Variants in MGAT5 observed in about 807,000 individuals in gnomAD.
The protein encoded by MGAT5 is alpha-1,6-mannosylglycoprotein 6-beta-N-acetylglucosaminyltransferase.
Under a neutral mutation model 94.3 loss-of-function variants are expected in MGAT5, and 30 were observed. The ratio of observed to expected loss-of-function variants is 0.32; its 90% CI spans 0.24 to 0.43. The LOEUF (loss-of-function observed/expected upper bound fraction) is 0.43. MGAT5 is among the 20% of genes least tolerant of loss of function. MGAT5 has a pLI of 1.00. For synonymous variants in MGAT5, 310 were observed against 322.9 expected (o/e 0.96, Z 0.43); for missense variants, 691 against 905.5 (o/e 0.76, Z 3.04).
chr2:134,441,927 G>C lies in MGAT5; in HGVS notation c.2027+12G>C, dbSNP rs376482081. 70 of 1,610,154 alleles carry C rather than the reference G, an allele frequency of 4.3e-5. No homozygotes were observed. The African/African-American group carries it at 8.7e-4, about 20-fold the overall frequency. On this transcript the variant is annotated intron_variant, in intron 15 of 15. Coordinates refer to ENST00000281923, the MANE Select transcript of MGAT5 (RefSeq NM_002410.5). ...AAGGACATGCTGAAGTAAGTGCCCT[G>C]GGGTGGGGGTGGGGACTCAGCCCCT... is the stretch of plus-strand genomic sequence containing the variant.
intron 1 of MGAT5, among the ~76,000 whole-genome samples, chr2:134,139,523 T>C (rs1202795123): frequency 6.6e-6 from 1 of 152,116 alleles, no homozygotes; most frequent in Non-Finnish European, 1.5e-5. Context: ...CTCTGTGAGC[T>C]TCAGACACAG....
At chr2:134,365,490 G>A (rs542248305) in intron 10 of MGAT5, among the ~76,000 whole-genome samples, 9 of 152,320 alleles carry the variant, frequency 5.9e-5, no homozygotes, top group South Asian at 2.1e-4. Flanking sequence ...AAAAAAATGC[G>A]TCTGTGGCAG....
rs1686236271 is a variant in MGAT5 at position 134,454,026 on chromosome 2, T to C, written c.*5179T>C. 1 of 152,236 alleles carries C rather than the reference T, an allele frequency of 6.6e-6. No homozygotes were observed. Among genetic ancestry groups the C allele is most frequent in the African/African-American group, 2.4e-5 (1 of 41,468 alleles). 9.4% of individuals were successfully genotyped at this position (152,236 alleles called of 1,614,324 possible). ...CCGCCAAATCAGCAGTCTCGTCCTGTGGATGCAGTGACTGGAATTTCCCAT... is the reference window on the plus strand; with the variant it reads ...CCGCCAAATCAGCAGTCTCGTCCTGCGGATGCAGTGACTGGAATTTCCCAT... On this transcript the variant is annotated 3_prime_UTR_variant, in exon 16 of 16. Coordinates refer to ENST00000281923, the MANE Select transcript of MGAT5 (RefSeq NM_002410.5).
Position 134,214,513 on chromosome 2 carries a change from C to T in MGAT5, c.-142-39749C>T, listed in dbSNP as rs1418013663. 2.6e-5 allele frequency among the ~76,000 whole-genome samples: 4 copies of T among 151,694 alleles called. No individual in the cohort carries two copies. In the East Asian group the frequency reaches 5.9e-4, roughly 22 times the overall value. ...GAAAGTTTATCAGTTTGTTTTGGGC[C>T]GCATTCAAAGCTGTCCTTGGCTGCA... On this transcript the variant is annotated intron_variant, in intron 1 of 16. Coordinates refer to the MGAT5 transcript ENST00000409645.
At chr2:134,405,556 CTCTG>C (rs745570830) in intron 11 of MGAT5, among the ~76,000 whole-genome samples, 2 of 152,218 alleles carry the variant, frequency 1.3e-5, no homozygotes, top group African/African-American at 2.4e-5. Flanking sequence ...ACTCCTTTCT[CTCTG>C]TCTATGAGCA....
intron 8 of MGAT5, among the ~76,000 whole-genome samples, chr2:134,346,075 GTGTTTTTCT>G (rs1688910976): frequency 6.6e-6 from 1 of 152,126 alleles, no homozygotes; most frequent in Non-Finnish European, 1.5e-5. Context: ...TTTGCATGAG[GTGTTTTTCT>G]GGTTTTTGGC....
intron 1 of MGAT5, among the ~76,000 whole-genome samples, chr2:134,243,606 A>G (rs901854813): frequency 1.3e-5 from 2 of 152,224 alleles, no homozygotes; most frequent in Non-Finnish European, 2.9e-5. Context: ...GAGTGGCTTG[A>G]CTACTGTAAC....
intron 15 of MGAT5, among the ~76,000 whole-genome samples, chr2:134,446,837 G>A (rs950071010): frequency 6.6e-6 from 1 of 152,164 alleles, no homozygotes; most frequent in Non-Finnish European, 1.5e-5. Flanking sequence ...GGGGGAGGGA[G>A]GCCTGAGCAC....
intron 1 of MGAT5, among the ~76,000 whole-genome samples, chr2:134,125,373 G>A (rs557229154): frequency 6.6e-6 from 1 of 152,306 alleles, no homozygotes; most frequent in East Asian, 1.9e-4. Context: ...GTGTGGGTTG[G>A]GCTGTGAGTA....
Position 134,145,075 on chromosome 2 carries a change from C to G in MGAT5, c.-143+24784C>G, listed in dbSNP as rs184264657. ...CTCCATTTTCTGGAATCCATCCCAA[C>G]CCCCACCTTGGTCTTTTGGAAAATT... On this transcript the variant is annotated intron_variant, in intron 1 of 16. Transcript: ENST00000409645. Among the ~76,000 whole-genome samples, 47 of 152,300 alleles carry G rather than the reference C, an allele frequency of 3.1e-4. 1 individual carries two copies. In the East Asian group the frequency reaches 9.1e-3, roughly 29 times the overall value.
chr2:134,288,642 G>A (rs1222675145), intron 2 of MGAT5, among the ~76,000 whole-genome samples: 1 of 152,128 alleles, frequency 6.6e-6, no homozygotes, highest in Non-Finnish European at 1.5e-5. Context: ...AAACTAATAA[G>A]CATGAATGTC....
intron 1 of MGAT5, among the ~76,000 whole-genome samples, chr2:134,264,017 GTTTTTTT>G (rs763608726): frequency 9.2e-6 from 1 of 108,944 alleles, no homozygotes; most frequent in Admixed American, 1.0e-4. Flanking sequence ...ATGCCATTAG[GTTTTTTT>G]TTTTTTTTTT....
At chr2:134,239,634 G>A (rs1020479734) in intron 1 of MGAT5, among the ~76,000 whole-genome samples, 5 of 151,784 alleles carry the variant, frequency 3.3e-5, no homozygotes, top group Non-Finnish European at 7.4e-5. Context: ...CCCCTTTTAA[G>A]GTCAGCTGAT....
intron 1 of MGAT5, among the ~76,000 whole-genome samples, chr2:134,228,912 A>G (rs1460929245): frequency 6.6e-6 from 1 of 152,090 alleles, no homozygotes; most frequent in African/African-American, 2.4e-5. Flanking sequence ...GGTTATTTTC[A>G]TGGATGTTTC....
At chr2:134,156,079 C>T (rs1182587914) in intron 1 of MGAT5, among the ~76,000 whole-genome samples, 1 of 152,162 alleles carries the variant, frequency 6.6e-6, no homozygotes, top group Non-Finnish European at 1.5e-5. Flanking sequence ...CTAGGACGTC[C>T]AGCAGCACAC....
At chr2:134,310,715 G>A (rs74489511) in intron 2 of MGAT5, among the ~76,000 whole-genome samples, 4,085 of 152,134 alleles carry the variant, frequency 0.027, 176 homozygotes, top group East Asian at 0.11. Flanking sequence ...CTTTTTTTAT[G>A]GTGCAAAAGT....
intron 1 of MGAT5, among the ~76,000 whole-genome samples, chr2:134,121,379 C>T (rs1348182518): frequency 6.6e-6 from 1 of 152,240 alleles, no homozygotes; most frequent in African/African-American, 2.4e-5. Flanking sequence ...GACGCTCGCG[C>T]ATACACTTGC....
At chr2:134,432,964 A>G (rs1684964618) in intron 14 of MGAT5, among the ~76,000 whole-genome samples, 1 of 152,206 alleles carries the variant, frequency 6.6e-6, no homozygotes, top group Admixed American at 6.5e-5. Context: ...AGTTCACTGC[A>G]TATAAGGACA....
At position 134,450,700 on chromosome 2, in the gene MGAT5, G is replaced by A. The variant is rs78170588; in HGVS notation, c.*1853G>A. ...GCCTCTGCCCTGAGCATCATCACAG[G>A]GGCGCCTCCAGACCTGGCTGAGAAT... On this transcript the variant is annotated 3_prime_UTR_variant, in exon 16 of 16. Transcript: ENST00000281923. 4.2e-3 allele frequency: 643 copies of A among 152,314 alleles called. 4 individuals carry two copies. The highest frequency in any genetic ancestry group is 0.015 in the African/African-American group (611 of 41,470). 9.4% of individuals were successfully genotyped at this position (152,314 alleles called of 1,614,324 possible).
Sources: allele counts gnomAD v4.1 joint callset (sites outside exome capture counted in the v4.1 genomes callset), GRCh38; gene constraint gnomAD v4.1.1; transcripts MANE v1.5; gene names NCBI Gene and HGNC (gene_info 2026-07-23, HGNC 2026-07-21).